CNTNAP5: variants seen among roughly 807,000 people sequenced by gnomAD.
CNTNAP5 encodes contactin-associated protein-like 5.
A neutral mutation model predicts 150.2 loss-of-function variants in CNTNAP5; 72 were observed. The ratio of observed to expected loss-of-function variants is 0.48; its 90% confidence interval spans 0.40 to 0.58. CNTNAP5 has a LOEUF of 0.58. Among genes scored for constraint, CNTNAP5 ranks in the 20% least tolerant of loss-of-function variants. The pLI is 0.00. For missense variants in CNTNAP5, 1,636 were observed against 1,626.2 expected (o/e 1.01, Z -0.10); for synonymous variants, 672 against 619.8 (o/e 1.08, Z -1.25).
chr2:124,382,071 C>T lies in CNTNAP5; in HGVS notation c.382-35372C>T, dbSNP rs537773653. Among the ~76,000 whole-genome samples, 18 of 152,252 alleles carry T rather than the reference C, an allele frequency of 1.2e-4. No individual in the cohort carries two copies. In the South Asian group the frequency reaches 3.7e-3, roughly 32 times the overall value. On this transcript the variant is annotated intron_variant, in intron 3 of 23. Transcript: ENST00000682447. ...GATTTGTGAGATGTATTAAGGCATA[C>T]TTGCATGCCCAAATAAATAACCTAG...
At chr2:124,333,086 G>A (rs1231823539) in intron 3 of CNTNAP5, among the ~76,000 whole-genome samples, 1 of 151,902 alleles carries the variant, frequency 6.6e-6, no homozygotes, top group African/African-American at 2.4e-5. Context: ...TAATCATGAG[G>A]CAAGTAAAAC....
chr2:124,445,143 G>A (rs1472527707), intron 5 of CNTNAP5, among the ~76,000 whole-genome samples: 2 of 149,166 alleles, frequency 1.3e-5, no homozygotes, highest in African/African-American at 5.0e-5. Flanking sequence ...AGGCTGGAGT[G>A]CAGTGGCGCG....
At chr2:124,768,569 G>A (rs1161056823) in intron 16 of CNTNAP5, among the ~76,000 whole-genome samples, 1 of 151,950 alleles carries the variant, frequency 6.6e-6, no homozygotes, top group East Asian at 1.9e-4. Flanking sequence ...TTCTTTCCAA[G>A]CACTCCCATC....
At chr2:124,682,442 T>C (rs1679089759) in intron 13 of CNTNAP5, among the ~76,000 whole-genome samples, 1 of 152,154 alleles carries the variant, frequency 6.6e-6, no homozygotes, top group African/African-American at 2.4e-5. Context: ...TTAAACAAAG[T>C]GTTGACTGTG....
intron 3 of CNTNAP5, among the ~76,000 whole-genome samples, chr2:124,413,383 A>G (rs899835828): frequency 3.4e-5 from 5 of 148,294 alleles, no homozygotes; most frequent in Admixed American, 2.7e-4. Flanking sequence ...ATTACTGGGT[A>G]TATACCCAAA....
chr2:124,430,183 C>T (rs1274338512), intron 4 of CNTNAP5, among the ~76,000 whole-genome samples: 19 of 152,106 alleles, frequency 1.2e-4, no homozygotes, highest in Admixed American at 1.0e-3. Context: ...AGCTGAGCAT[C>T]GTGGTCCAAG....
intron 7 of CNTNAP5, among the ~76,000 whole-genome samples, chr2:124,497,372 C>T (rs1694174379): frequency 6.6e-6 from 1 of 152,138 alleles, no homozygotes; most frequent in South Asian, 2.1e-4. Context: ...TTTAGCATAA[C>T]CTATTGTCTA....
intron 4 of CNTNAP5, among the ~76,000 whole-genome samples, chr2:124,426,125 A>T (rs1692232676): frequency 6.6e-6 from 1 of 151,888 alleles, no homozygotes. Context: ...TGCTGAGGTT[A>T]CGACTGGAAT....
intron 3 of CNTNAP5, among the ~76,000 whole-genome samples, chr2:124,392,149 TTATCATGG>T (rs1691131342): frequency 6.6e-6 from 1 of 152,132 alleles, no homozygotes; most frequent in African/African-American, 2.4e-5. Flanking sequence ...ATAAAGGTAT[TTATCATGG>T]GACCCTTTTA....
At chr2:124,880,008 G>C (rs1465823623) in intron 21 of CNTNAP5, among the ~76,000 whole-genome samples, 1 of 152,252 alleles carries the variant, frequency 6.6e-6, no homozygotes, top group Admixed American at 6.5e-5. Context: ...TAGAATTCTA[G>C]GTGCTTTCCC....
chr2:124,807,744 G>A (rs898023800), intron 19 of CNTNAP5, among the ~76,000 whole-genome samples: 4 of 152,102 alleles, frequency 2.6e-5, no homozygotes, highest in Non-Finnish European at 4.4e-5. Context: ...CTGGATGCTT[G>A]CTCAAGCCCC....
chr2:124,154,852 C>T (rs1414131745), intron 1 of CNTNAP5, among the ~76,000 whole-genome samples: 5 of 152,092 alleles, frequency 3.3e-5, no homozygotes, highest in African/African-American at 1.2e-4. Context: ...GATATCTAGG[C>T]TCCAGTGCAG....
At chr2:124,649,216 T>C (rs1678267758) in intron 13 of CNTNAP5, among the ~76,000 whole-genome samples, 1 of 152,192 alleles carries the variant, frequency 6.6e-6, no homozygotes, top group Non-Finnish European at 1.5e-5. Context: ...TATTGTACTC[T>C]CCTTAGATTC....
intron 3 of CNTNAP5, among the ~76,000 whole-genome samples, chr2:124,242,634 C>G (rs1327200410): frequency 6.6e-6 from 1 of 152,116 alleles, no homozygotes; most frequent in Non-Finnish European, 1.5e-5. Context: ...CTGGGTAATT[C>G]ACTGACTGAG....
intron 13 of CNTNAP5, among the ~76,000 whole-genome samples, chr2:124,663,601 GAGAA>G (rs748502470): frequency 6.6e-6 from 1 of 152,126 alleles, no homozygotes; most frequent in Non-Finnish European, 1.5e-5. Context: ...GGGGGCTAGG[GAGAA>G]AGAGAGAGAG....
intron 3 of CNTNAP5, among the ~76,000 whole-genome samples, chr2:124,365,349 T>A (rs1438895418): frequency 6.6e-6 from 1 of 150,988 alleles, no homozygotes; most frequent in African/African-American, 2.4e-5. Context: ...AGGATGGATG[T>A]CAATGGGGAA....
At chr2:124,208,735 G>A (rs1685928754) in intron 1 of CNTNAP5, among the ~76,000 whole-genome samples, 1 of 152,142 alleles carries the variant, frequency 6.6e-6, no homozygotes, top group South Asian at 2.1e-4. Flanking sequence ...GATAAAATCG[G>A]GAGGGAGTGG....
intron 13 of CNTNAP5, among the ~76,000 whole-genome samples, chr2:124,697,653 A>G (rs1356717796): frequency 6.6e-6 from 1 of 150,528 alleles, no homozygotes; most frequent in Non-Finnish European, 1.5e-5. Context: ...GAAGCCTGGC[A>G]TAAGGCCAGC....
At chr2:124,473,824 G>T (rs980049731) in intron 6 of CNTNAP5, among the ~76,000 whole-genome samples, 1 of 151,936 alleles carries the variant, frequency 6.6e-6, no homozygotes, top group Non-Finnish European at 1.5e-5. Context: ...AGGCCGCCTT[G>T]CTTTTAAAAT....
Sources: allele counts gnomAD v4.1 joint callset (sites outside exome capture counted in the v4.1 genomes callset), GRCh38; gene constraint gnomAD v4.1.1; transcripts MANE v1.5; gene names NCBI Gene and HGNC (gene_info 2026-07-23, HGNC 2026-07-21).